The following MYO3A variants were observed in gnomAD, a reference collection of about 807,000 sequenced individuals.
The protein encoded by MYO3A is myosin IIIA, also known as myosin-IIIa.
MYO3A carries 180 observed loss-of-function variants against 192.7 expected under a neutral mutation model. The ratio of observed to expected loss-of-function variants is 0.93; its 90% confidence interval spans 0.83 to 1.06. The LOEUF is 1.06. MYO3A is among the 50% of genes least tolerant of loss of function. MYO3A has a pLI of 0.00. For synonymous variants in MYO3A, 628 were observed against 645.3 expected (o/e 0.97, Z 0.41); for missense variants, 1,896 against 1,905.0 (o/e 1.00, Z 0.09).
intron 14 of MYO3A, among the ~76,000 whole-genome samples, chr10:26,080,996 T>C (rs1328376276): frequency 1.3e-5 from 2 of 152,102 alleles, no homozygotes; most frequent in Non-Finnish European, 2.9e-5. Context: ...TTCTTAGCTT[T>C]GGTGGTTTAA....
At chr10:25,941,958 G>A (rs1198001898) in intron 2 of MYO3A, among the ~76,000 whole-genome samples, 3 of 151,178 alleles carry the variant, frequency 2.0e-5, no homozygotes, top group East Asian at 3.9e-4. Context: ...TCTTTTTAAG[G>A]CTGAATAATA....
At chr10:26,171,056 C>CA (rs1165705783) in intron 29 of MYO3A, among the ~76,000 whole-genome samples, 3 of 152,204 alleles carry the variant, frequency 2.0e-5, no homozygotes, top group South Asian at 2.1e-4. Context: ...TCAAATTTCT[C>CA]AGAGTATTAC....
chr10:25,948,478 T>A (rs1483674186), intron 2 of MYO3A, among the ~76,000 whole-genome samples: 1 of 152,182 alleles, frequency 6.6e-6, no homozygotes, highest in East Asian at 1.9e-4. Context: ...AATATATATG[T>A]TGAAAATAAT....
Position 26,212,119 on chromosome 10 carries a change from G to A in MYO3A, c.*156G>A, listed in dbSNP as rs1844248128. 2 of 1,167,624 alleles carry A rather than the reference G, an allele frequency of 1.7e-6. No individual in the cohort carries two copies. Among genetic ancestry groups the A allele is most frequent in the Non-Finnish European group, 2.3e-6 (2 of 861,196 alleles). The allele number at this position is 1,167,624 out of a possible 1,614,324, so 72.3% of individuals were successfully genotyped here. ...GCTGCGCTCGGCCCTCAAGTGCCCGGGCCGGCCTTCGTGCTCCGAAACAAG... is the reference window on the plus strand; with the variant it reads ...GCTGCGCTCGGCCCTCAAGTGCCCGAGCCGGCCTTCGTGCTCCGAAACAAG... On this transcript the variant is annotated 3_prime_UTR_variant, in exon 35 of 35. Transcript: ENST00000642920.
rs904298733 is a variant in MYO3A, at chr10:26,081,140, C to A, written c.1360-7063C>A. On this transcript the variant is annotated intron_variant, in intron 14 of 34. Transcript: ENST00000642920. Reference sequence around the variant, plus strand: ...CCCAAGATTATATGCCCTTCCCCCCCCCCCCGCCCCCGCTACCAGGGTGGG... The same window carrying A: ...CCCAAGATTATATGCCCTTCCCCCCACCCCCGCCCCCGCTACCAGGGTGGG... Among the ~76,000 whole-genome samples the A allele has an allele frequency of 2.1e-4, 21 of 101,892 alleles. No homozygotes were observed. The South Asian group carries it at 3.1e-3, about 15-fold the overall frequency. 66.8% of individuals were successfully genotyped at this position (101,892 alleles called of 152,430 possible). A position where few individuals can be genotyped will look rare whatever the true frequency, so the allele number is the denominator to read the frequency against.
At chr10:26,009,648 C>T (rs1841493953) in intron 6 of MYO3A, among the ~76,000 whole-genome samples, 2 of 152,214 alleles carry the variant, frequency 1.3e-5, no homozygotes, top group African/African-American at 4.8e-5. Context: ...CTGACCTCAA[C>T]ACAGCTGTAG....
chr10:26,047,441 T>C (rs963003975), intron 10 of MYO3A, among the ~76,000 whole-genome samples: 43 of 152,162 alleles, frequency 2.8e-4, no homozygotes, highest in African/African-American at 1.0e-3. Context: ...ATGCCTAGGA[T>C]TTGACTGAAT....
chr10:26,145,379 T>C (rs1840399210), intron 21 of MYO3A, 67 bp from the exon 22 acceptor site: 2 of 1,110,292 alleles, frequency 1.8e-6, no homozygotes, highest in Non-Finnish European at 2.7e-6. Context: ...TTATGGTAAA[T>C]AATTTTCGCA....
At position 25,936,302 on chromosome 10, in the gene MYO3A, T is replaced by C. The variant is rs1011004029; in HGVS notation, c.-18+472T>C. Among the ~76,000 whole-genome samples the C allele has an allele frequency of 6.6e-5, 10 of 152,172 alleles. 1 individual carries two copies. The highest frequency in any genetic ancestry group is 6.5e-4 in the Admixed American group (10 of 15,278). On this transcript the variant is annotated intron_variant, in intron 2 of 34. Transcript: ENST00000642920. ...CAAATCCAAAATATTTGAAGGTCCA[T>C]TATTTGCTACAAGTGGTTTTGATAA...
intron 10 of MYO3A, among the ~76,000 whole-genome samples, chr10:26,032,867 C>G (rs1348415007): frequency 6.6e-6 from 1 of 152,124 alleles, no homozygotes; most frequent in African/African-American, 2.4e-5. Flanking sequence ...ATGGCTGTGA[C>G]TATGTCATGT....
In MYO3A at chr10:25,964,294, A is replaced by G. The variant is rs543722263; in HGVS notation, c.303+9286A>G. Among the ~76,000 whole-genome samples the G allele has an allele frequency of 2.0e-5, 3 of 152,284 alleles. 1 individual carries two copies. In the Middle Eastern group the frequency reaches 0.01, roughly 518 times the overall value. On this transcript the variant is annotated intron_variant, in intron 4 of 34. Transcript: ENST00000642920. ...TACACATTGGAAAAGGAATGTGAAA[A>G]TTTTACACACTACAAAAGCACACAT...
At chr10:26,058,243 G>GT (rs1037658732) in intron 10 of MYO3A, among the ~76,000 whole-genome samples, 67 of 152,102 alleles carry the variant, frequency 4.4e-4, no homozygotes, top group African/African-American at 1.5e-3. Flanking sequence ...CATATATGTA[G>GT]TTTTTTCAGA....
intron 10 of MYO3A, among the ~76,000 whole-genome samples, chr10:26,030,361 A>G (rs1210041105): frequency 3.9e-5 from 6 of 152,132 alleles, no homozygotes; most frequent in Admixed American, 1.3e-4. Context: ...TTTATTTTTT[A>G]TAAACGTATG....
chr10:26,057,040 G>T (rs571142749), intron 10 of MYO3A, among the ~76,000 whole-genome samples: 1 of 152,256 alleles, frequency 6.6e-6, no homozygotes, highest in South Asian at 2.1e-4. Flanking sequence ...GGACACAGAG[G>T]AACTGAATAG....
chr10:25,971,242 G>A (rs986123660), intron 4 of MYO3A, among the ~76,000 whole-genome samples: 2 of 152,026 alleles, frequency 1.3e-5, no homozygotes, highest in Non-Finnish European at 2.9e-5. Context: ...GATTATTTCA[G>A]TACAGCTTTG....
chr10:26,004,104 G>T (rs1332125174), intron 6 of MYO3A, among the ~76,000 whole-genome samples: 1 of 152,194 alleles, frequency 6.6e-6, no homozygotes, highest in Non-Finnish European at 1.5e-5. Context: ...GTGCAGCTCA[G>T]TAGGCAGTTT....
At chr10:26,059,171 C>G (rs891198728) in intron 10 of MYO3A, among the ~76,000 whole-genome samples, 1 of 149,678 alleles carries the variant, frequency 6.7e-6, no homozygotes, top group Non-Finnish European at 1.5e-5. Flanking sequence ...ATCAGTATAC[C>G]TTTTAAGTCA....
At chr10:26,004,157 G>A (rs1564449866) in intron 6 of MYO3A, among the ~76,000 whole-genome samples, 2 of 152,166 alleles carry the variant, frequency 1.3e-5, no homozygotes, top group Non-Finnish European at 2.9e-5. Context: ...GGCAGGGAGT[G>A]TTGGGTCCCC....
chr10:26,043,661 T>C (rs1843481980), intron 10 of MYO3A, among the ~76,000 whole-genome samples: 1 of 152,192 alleles, frequency 6.6e-6, no homozygotes, highest in Admixed American at 6.5e-5. Flanking sequence ...ACAAGTGCTC[T>C]TCATTCAGCT....
Sources: gnomAD v4.1 joint callset for allele counts (sites outside exome capture counted in the v4.1 genomes callset) on GRCh38, gnomAD v4.1.1 for gene constraint, MANE v1.5 for transcripts, NCBI Gene and HGNC (gene_info 2026-07-23, HGNC 2026-07-21) for gene names.